SEPSECS: variants seen among roughly 807,000 people sequenced by gnomAD.
SEPSECS encodes Sep (O-phosphoserine) tRNA:Sec (selenocysteine) tRNA synthase, also known as O-phosphoseryl-tRNA(Sec) selenium transferase.
In SEPSECS, 42 loss-of-function variants were observed where a neutral mutation model predicts 52.1. That is an observed-to-expected ratio of 0.81 (90% CI 0.63 to 1.04). The LOEUF (loss-of-function observed/expected upper bound fraction) is 1.04. Ranked by LOEUF, SEPSECS falls within the 50% of genes least tolerant of loss-of-function variation. The pLI, the probability that SEPSECS is intolerant of heterozygous loss-of-function variation, is 0.00. For missense variants in SEPSECS, 590 were observed against 610.6 expected (o/e 0.97, Z 0.36); for synonymous variants, 216 against 211.4 (o/e 1.02, Z -0.19).
chr4:25,130,136 A>G (rs948338072), intron 8 of SEPSECS, among the ~76,000 whole-genome samples: 4 of 152,208 alleles, frequency 2.6e-5, no homozygotes, highest in African/African-American at 9.6e-5. Flanking sequence ...TATATTCATG[A>G]AGCAAAATTT....
At chr4:25,137,436 A>T (rs1264853339) in intron 8 of SEPSECS, among the ~76,000 whole-genome samples, 1 of 152,240 alleles carries the variant, frequency 6.6e-6, no homozygotes, top group African/African-American at 2.4e-5. Flanking sequence ...AAAAGAAGAC[A>T]TCCATACAAC....
chr4:25,132,636 A>G (rs1728657558), intron 8 of SEPSECS, among the ~76,000 whole-genome samples: 1 of 152,260 alleles, frequency 6.6e-6, no homozygotes. Flanking sequence ...TCAAATGGGC[A>G]TCGTAATACT....
At chr4:25,158,737 C>T (rs1405676014) in intron 2 of SEPSECS, among the ~76,000 whole-genome samples, 1 of 152,116 alleles carries the variant, frequency 6.6e-6, no homozygotes, top group Admixed American at 6.5e-5. Context: ...CAGGGTAACC[C>T]CCACTTAGTT....
At chr4:25,126,711 T>C (rs1006585664) in intron 9 of SEPSECS, among the ~76,000 whole-genome samples, 1 of 152,184 alleles carries the variant, frequency 6.6e-6, no homozygotes, top group Non-Finnish European at 1.5e-5. Flanking sequence ...CAAATTTCTC[T>C]AACATCCGTA....
chr4:25,157,720 T>C (rs535083850), intron 2 of SEPSECS, among the ~76,000 whole-genome samples: 2 of 152,214 alleles, frequency 1.3e-5, no homozygotes, highest in African/African-American at 4.8e-5. Context: ...AATTTTTTTG[T>C]ATTTTTAGTA....
intron 8 of SEPSECS, among the ~76,000 whole-genome samples, chr4:25,141,803 C>T (rs1379214010): frequency 6.6e-6 from 1 of 152,164 alleles, no homozygotes; most frequent in Non-Finnish European, 1.5e-5. Flanking sequence ...CTCATTACCA[C>T]CCTGACCTCA....
upstream of SEPSECS, chr4:25,160,472 G>A (rs1713011269): frequency 1.3e-5 from 12 of 917,950 alleles, no homozygotes; most frequent in Non-Finnish European, 1.7e-5. Flanking sequence ...GTACGGCAGC[G>A]CCTTGGGACA....
In SEPSECS at chr4:25,144,345, AAGAT is replaced by A. The variant is rs1230205640; in HGVS notation, c.1026+425_1026+428del. Among the ~76,000 whole-genome samples, 7 of 151,424 alleles carry A rather than the reference AAGAT, an allele frequency of 4.6e-5. No homozygotes were observed. The East Asian group carries it at 1.4e-3, about 29-fold the overall frequency. ...TCCGCTCAAAAAAAAAAAAAAAAAA[AAGAT>A]AGAGCTAACTTCTGACCTGATTCTT... On this transcript the variant is annotated intron_variant, in intron 8 of 10. Coordinates refer to ENST00000382103, the MANE Select transcript of SEPSECS (RefSeq NM_016955.4).
chr4:25,151,556 T>C (rs2109028530), intron 6 of SEPSECS, among the ~76,000 whole-genome samples: 1 of 152,314 alleles, frequency 6.6e-6, no homozygotes, highest in South Asian at 2.1e-4. Flanking sequence ...TCCACAGCTA[T>C]ATACTAGCAT....
chr4:25,126,926 G>A (rs1728396617), intron 9 of SEPSECS, among the ~76,000 whole-genome samples: 1 of 152,148 alleles, frequency 6.6e-6, no homozygotes, highest in African/African-American at 2.4e-5. Flanking sequence ...AAAGTGCTAG[G>A]ATTACAGGCG....
chr4:25,130,082 A>G (rs1728551690), intron 8 of SEPSECS, among the ~76,000 whole-genome samples: 1 of 152,196 alleles, frequency 6.6e-6, no homozygotes, highest in South Asian at 2.1e-4. Context: ...CAAACCGCCT[A>G]ACAACAACAT....
At position 25,139,145 on chromosome 4, in the gene SEPSECS, C is replaced by A. The variant is rs148646729; in HGVS notation, c.1026+5629G>T. Among the ~76,000 whole-genome samples the A allele has an allele frequency of 3.8e-3, 581 of 152,282 alleles. 5 individuals carry two copies. Among genetic ancestry groups the A allele is most frequent in the African/African-American group, 0.013 (536 of 41,564 alleles). On this transcript the variant is annotated intron_variant, in intron 8 of 10. Coordinates refer to ENST00000382103, the MANE Select transcript of SEPSECS (RefSeq NM_016955.4). ...CTCTCACACACTCTTGCGTTCCTTT[C>A]ATAATTCTCATCAGATTTGTAACTA... is the stretch of plus-strand genomic sequence containing the variant.
Position 25,160,362 on chromosome 4 carries a change from C to A in SEPSECS, c.8G>T (p.Arg3Leu), listed in dbSNP as rs536515375. Reference sequence around the variant, plus strand: ...CCGCTCTCCCGCCGCGAAGCTCTCGCGGTTCATGACAGCGGTGGCGACAGT... The same window carrying A: ...CCGCTCTCCCGCCGCGAAGCTCTCGAGGTTCATGACAGCGGTGGCGACAGT... MN[R>L]ESFAAGERLV... Residue 3 changes from arginine (R) to leucine (L), a missense_variant, in exon 1 of 11, where the codon CGC (arginine) becomes CTC (leucine). By Grantham distance (102) the Arg-to-Leu change is moderately radical (BLOSUM62 -2). Coordinates refer to ENST00000382103, the MANE Select transcript of SEPSECS (RefSeq NM_016955.4). 3 of 1,546,946 alleles carry A rather than the reference C, an allele frequency of 1.9e-6. No homozygotes were observed. The highest frequency in any genetic ancestry group is 2.5e-5 in the East Asian group (1 of 40,814).
At chr4:25,127,399 T>G in intron 8 of SEPSECS, 42 bp from the exon 9 acceptor site, 1 of 1,411,308 alleles carries the variant, frequency 7.1e-7, no homozygotes, top group Non-Finnish European at 1.0e-6. Context: ...ATCAAATATC[T>G]ACTGCCAGAT....
intron 1 of SEPSECS, 60 bp downstream of exon 1, chr4:25,160,196 C>G: frequency 5.8e-6 from 9 of 1,543,906 alleles, no homozygotes; most frequent in Non-Finnish European, 7.9e-6. Context: ...AGCGGGGACG[C>G]CCGGCGGAGC....
chr4:25,134,200 T>C (rs1453284859), intron 8 of SEPSECS, among the ~76,000 whole-genome samples: 1 of 147,106 alleles, frequency 6.8e-6, no homozygotes, highest in Non-Finnish European at 1.5e-5. Context: ...TATGTGCAAC[T>C]GGACACAGAG....
At chr4:25,124,317 A>G (rs1387751806) in intron 10 of SEPSECS, 92 bp from the exon 11 acceptor site, 10 of 1,223,066 alleles carry the variant, frequency 8.2e-6, no homozygotes, top group Non-Finnish European at 1.2e-5. Flanking sequence ...AAAGCCTTAC[A>G]TCCACTTATT....
intron 8 of SEPSECS, among the ~76,000 whole-genome samples, chr4:25,137,815 C>T (rs1420879826): frequency 6.6e-6 from 1 of 152,132 alleles, no homozygotes; most frequent in Admixed American, 6.5e-5. Context: ...GGAATCAACC[C>T]AAACACTCAT....
chr4:25,127,592 T>C (rs1020450565), intron 8 of SEPSECS, among the ~76,000 whole-genome samples: 18 of 152,186 alleles, frequency 1.2e-4, no homozygotes, highest in African/African-American at 4.3e-4. Flanking sequence ...CACTATTACA[T>C]ATCTATCACA....
Sources: gnomAD v4.1 joint callset for allele counts (sites outside exome capture counted in the v4.1 genomes callset) on GRCh38, gnomAD v4.1.1 for gene constraint, MANE v1.5 for transcripts, NCBI Gene and HGNC (gene_info 2026-07-23, HGNC 2026-07-21) for gene names.